The following BCKDHB variants were observed in gnomAD, a reference collection of about 807,000 sequenced individuals.
BCKDHB encodes branched chain keto acid dehydrogenase E1 subunit beta, also known as 2-oxoisovalerate dehydrogenase subunit beta, mitochondrial.
BCKDHB carries 41 observed loss-of-function variants against 48.5 expected under a neutral mutation model. That is an observed-to-expected ratio of 0.85 (90% confidence interval 0.66 to 1.10). BCKDHB has a LOEUF of 1.10. BCKDHB is among the 50% of genes least tolerant of loss of function. BCKDHB has a pLI of 0.00. For synonymous variants in BCKDHB, 201 were observed against 174.8 expected (o/e 1.15, Z -1.18); for missense variants, 496 against 494.2 (o/e 1.00, Z -0.03).
intron 8 of BCKDHB, among the ~76,000 whole-genome samples, chr6:80,244,263 C>T (rs1776513691): frequency 6.6e-6 from 1 of 152,132 alleles, no homozygotes; most frequent in African/African-American, 2.4e-5. Flanking sequence ...TGTGTACACA[C>T]GTGCGCATGT....
chr6:80,423,062 A>C, the BCKDHB span, among the ~76,000 whole-genome samples: 1 of 152,158 alleles, frequency 6.6e-6, no homozygotes, highest in African/African-American at 2.4e-5. Context: ...TAATCCCCAC[A>C]TGTCGAGGGA....
chr6:80,385,823 G>A, the BCKDHB span, among the ~76,000 whole-genome samples: 2 of 152,204 alleles, frequency 1.3e-5, no homozygotes, highest in African/African-American at 4.8e-5. Context: ...CAACAGGCAT[G>A]GGAATGGATA....
At chr6:80,195,872 G>C (rs1223471786) in intron 6 of BCKDHB, among the ~76,000 whole-genome samples, 1 of 152,118 alleles carries the variant, frequency 6.6e-6, no homozygotes, top group East Asian at 1.9e-4. Context: ...CAAATATGCT[G>C]CTGTAATCAG....
intron 9 of BCKDHB, among the ~76,000 whole-genome samples, chr6:80,287,250 G>A (rs1195445062): frequency 6.6e-6 from 1 of 152,178 alleles, no homozygotes; most frequent in East Asian, 1.9e-4. Context: ...CAGACATAAA[G>A]TGAGGTTGTT....
chr6:80,347,112 A>G (rs1184936127), downstream of BCKDHB, among the ~76,000 whole-genome samples: 1 of 152,218 alleles, frequency 6.6e-6, no homozygotes, highest in Non-Finnish European at 1.5e-5. Context: ...GAAGGAGGAT[A>G]CAGAAGGTCA....
At chr6:80,412,553 T>TATA in the BCKDHB span, among the ~76,000 whole-genome samples, 2 of 152,242 alleles carry the variant, frequency 1.3e-5, no homozygotes, top group African/African-American at 4.8e-5. Flanking sequence ...AAAAGTGATT[T>TATA]ACATACTATC....
At chr6:80,200,885 G>A in intron 6 of BCKDHB, 49 bp from the exon 7 acceptor site, 2 of 1,391,644 alleles carry the variant, frequency 1.4e-6, no homozygotes, top group Non-Finnish European at 2.0e-6. Context: ...ATGCACAAGT[G>A]TCACCTCAGA....
chr6:80,230,986 G>C (rs1021306441), intron 8 of BCKDHB, among the ~76,000 whole-genome samples: 1 of 152,180 alleles, frequency 6.6e-6, no homozygotes, highest in Admixed American at 6.5e-5. Context: ...CAATGCAAGC[G>C]CAGAAGCAGT....
chr6:80,220,304 G>GTTTTTTTTTTTTTT (rs56967096), intron 8 of BCKDHB, among the ~76,000 whole-genome samples: 10 of 60,862 alleles, frequency 1.6e-4, no homozygotes, highest in East Asian at 5.8e-4. Context: ...CATGCTATTT[G>GTTTTTTTTTTTTTT]TTTTTTTTTT....
chr6:80,187,702 T>TC (rs1773710004), intron 6 of BCKDHB, among the ~76,000 whole-genome samples: 4 of 152,102 alleles, frequency 2.6e-5, no homozygotes, highest in African/African-American at 9.7e-5. Flanking sequence ...AAGACAATCA[T>TC]GTAGCCAACA....
At chr6:80,306,909 A>G (rs1767908310) in intron 9 of BCKDHB, among the ~76,000 whole-genome samples, 4 of 152,154 alleles carry the variant, frequency 2.6e-5, no homozygotes, top group South Asian at 4.1e-4. Context: ...TGACTGGTAC[A>G]TGTAAAGAAC....
At chr6:80,144,371 T>C (rs1419511319) in intron 3 of BCKDHB, among the ~76,000 whole-genome samples, 1 of 152,208 alleles carries the variant, frequency 6.6e-6, no homozygotes, top group African/African-American at 2.4e-5. Flanking sequence ...TTTTTAGCTT[T>C]TATAGTATAC....
intron 3 of BCKDHB, among the ~76,000 whole-genome samples, chr6:80,167,018 T>G (rs1433178679): frequency 6.6e-6 from 1 of 152,172 alleles, no homozygotes; most frequent in Non-Finnish European, 1.5e-5. Flanking sequence ...TTTTGTCCAT[T>G]TGTCCTTTTA....
At chr6:80,330,876 A>G (rs1769291185) in intron 9 of BCKDHB, among the ~76,000 whole-genome samples, 2 of 152,296 alleles carry the variant, frequency 1.3e-5, no homozygotes, top group South Asian at 4.1e-4. Flanking sequence ...CTTTAGCTGT[A>G]CCATCCTTAG....
the BCKDHB span, among the ~76,000 whole-genome samples, chr6:80,408,792 C>CTT: frequency 7.0e-5 from 4 of 57,398 alleles, no homozygotes; most frequent in Admixed American, 2.9e-4. Context: ...TTTTGTTGAT[C>CTT]TTTTTTTTTT....
chr6:80,270,769 G>A (rs904095025), intron 8 of BCKDHB, among the ~76,000 whole-genome samples: 1 of 152,048 alleles, frequency 6.6e-6, no homozygotes, highest in African/African-American at 2.4e-5. Context: ...CACACAGAGT[G>A]GGATGGGAAG....
At chr6:80,223,544 G>A (rs1775552575) in intron 8 of BCKDHB, among the ~76,000 whole-genome samples, 1 of 151,956 alleles carries the variant, frequency 6.6e-6, no homozygotes, top group Non-Finnish European at 1.5e-5. Flanking sequence ...TTTTAATCAT[G>A]GAACTACTTA....
the BCKDHB span, among the ~76,000 whole-genome samples, chr6:80,392,959 T>A: frequency 6.6e-6 from 1 of 151,706 alleles, no homozygotes; most frequent in Non-Finnish European, 1.5e-5. Flanking sequence ...TTTATAATTT[T>A]GATTTATTAT....
At chr6:80,245,632 G>A (rs1329952538) in intron 8 of BCKDHB, among the ~76,000 whole-genome samples, 5 of 152,162 alleles carry the variant, frequency 3.3e-5, no homozygotes, top group African/African-American at 1.2e-4. Context: ...CTATTCCAAA[G>A]TGTAGTGCTC....
Sources: gnomAD v4.1 joint callset for allele counts (sites outside exome capture counted in the v4.1 genomes callset) on GRCh38, gnomAD v4.1.1 for gene constraint, MANE v1.5 for transcripts, NCBI Gene and HGNC (gene_info 2026-07-23, HGNC 2026-07-21) for gene names.